The following ANO2 variants were observed in gnomAD, a reference collection of about 807,000 sequenced individuals.
ANO2 encodes the protein anoctamin-2.
A neutral mutation model predicts 124.2 loss-of-function variants in ANO2; 101 were observed. The ratio of observed to expected loss-of-function variants is 0.81; its 90% CI spans 0.69 to 0.96. The LOEUF is 0.96. Ranked by LOEUF, ANO2 falls within the 40% of genes least tolerant of loss-of-function variation. ANO2 has a pLI of 0.00. For synonymous variants in ANO2, 486 were observed against 482.5 expected, an observed-to-expected ratio of 1.01 and a Z score of -0.09; for missense variants, 1,293 against 1,274.5, an observed-to-expected ratio of 1.01 and a Z score of -0.22.
intron 3 of ANO2, chr12:5,856,324 T>C (rs1955095478): frequency 6.6e-6 from 1 of 152,178 alleles, no homozygotes; most frequent in South Asian, 2.1e-4. Flanking sequence ...TTGGCTCAAG[T>C]GTGTAACAGA....
chr12:5,782,312 T>C (rs151197396), intron 10 of ANO2, among the ~76,000 whole-genome samples: 5 of 152,338 alleles, frequency 3.3e-5, no homozygotes, highest in East Asian at 1.9e-4. Flanking sequence ...CTTTTTAACA[T>C]ATCTGTGCCT....
At position 5,880,900 on chromosome 12, in the gene ANO2, G is replaced by GGGATGGACGGATGGAT. The variant is rs1938452772; in HGVS notation, c.535-26760_535-26759insATCCATCCGTCCATCC. Among the ~76,000 whole-genome samples, 5 of 142,522 alleles carry GGGATGGACGGATGGAT rather than the reference G, an allele frequency of 3.5e-5. No homozygotes were observed. In the South Asian group the frequency reaches 9.4e-4, roughly 27 times the overall value. The allele number at this position is 142,522 out of a possible 152,430, so 93.5% of individuals were successfully genotyped here. A position where few individuals can be genotyped will look rare whatever the true frequency, so the allele number is the denominator to read the frequency against. The stretch of plus-strand genomic sequence containing the variant: ...GGTGGATGAGTGGATGGGTAGGTGG[G>GGGATGGACGGATGGAT]GGATGGATGGATGGATGGATGAGTG... On this transcript the variant is annotated intron_variant, in intron 3 of 24. Coordinates refer to ENST00000682330, the MANE Select transcript of ANO2 (RefSeq NM_001364791.2).
intron 14 of ANO2, among the ~76,000 whole-genome samples, chr12:5,711,556 T>C (rs188525395): frequency 6.6e-6 from 1 of 152,202 alleles, no homozygotes; most frequent in Non-Finnish European, 1.5e-5. Context: ...GCCCAGAGAA[T>C]AAAAATTGCA....
At chr12:5,717,741 T>C (rs938920828) in intron 14 of ANO2, among the ~76,000 whole-genome samples, 1 of 152,214 alleles carries the variant, frequency 6.6e-6, no homozygotes, top group Non-Finnish European at 1.5e-5. Flanking sequence ...ATACATCCAT[T>C]GATCTGATCT....
At chr12:5,631,185 C>T (rs924566729) in intron 16 of ANO2, among the ~76,000 whole-genome samples, 2 of 152,200 alleles carry the variant, frequency 1.3e-5, no homozygotes, top group Admixed American at 6.5e-5. Flanking sequence ...ATGTGTGATG[C>T]GGTAAGATCA....
At chr12:5,821,346 G>A (rs1158136695) in intron 7 of ANO2, among the ~76,000 whole-genome samples, 2 of 152,156 alleles carry the variant, frequency 1.3e-5, no homozygotes, top group Non-Finnish European at 2.9e-5. Flanking sequence ...ACACATAGTG[G>A]GCCTATTTGG....
At chr12:5,675,268 G>A (rs960949644) in intron 14 of ANO2, among the ~76,000 whole-genome samples, 1 of 152,188 alleles carries the variant, frequency 6.6e-6, no homozygotes, top group Non-Finnish European at 1.5e-5. Context: ...TCTTCCAAGA[G>A]TTTTCTGCCA....
At chr12:5,903,662 TGTGTGTGTGTGTGTGG>T (rs1277834947) in intron 3 of ANO2, among the ~76,000 whole-genome samples, 1 of 151,584 alleles carries the variant, frequency 6.6e-6, no homozygotes, top group African/African-American at 2.4e-5. Context: ...TGTGTGTGTG[TGTGTGTGTGTGTGTGG>T]GTGTAGACAG....
intron 1 of ANO2, among the ~76,000 whole-genome samples, chr12:5,937,690 C>G (rs1388753952): frequency 2.0e-5 from 3 of 151,862 alleles, no homozygotes; most frequent in African/African-American, 7.3e-5. Flanking sequence ...ATGAGCTGAT[C>G]ACTTTGAGCT....
intron 7 of ANO2, among the ~76,000 whole-genome samples, chr12:5,812,474 GAGGA>G (rs373413172): frequency 5.3e-5 from 5 of 94,982 alleles, no homozygotes; most frequent in African/African-American, 1.5e-4. Context: ...AAGGAAGGGG[GAGGA>G]AGGAAGGAAG....
intron 6 of ANO2, among the ~76,000 whole-genome samples, chr12:5,828,305 G>T (rs980153956): frequency 1.2e-4 from 19 of 152,154 alleles, no homozygotes; most frequent in African/African-American, 4.6e-4. Context: ...GGGAGAGCCA[G>T]TGTGGTAGCA....
intron 20 of ANO2, among the ~76,000 whole-genome samples, chr12:5,587,047 C>T (rs922684619): frequency 4.6e-5 from 7 of 152,172 alleles, no homozygotes; most frequent in East Asian, 3.8e-4. Flanking sequence ...TGAAAGGTAA[C>T]GTCTGCAGAG....
At chr12:5,671,682 C>A (rs542250790) in intron 14 of ANO2, among the ~76,000 whole-genome samples, 5 of 152,164 alleles carry the variant, frequency 3.3e-5, no homozygotes, top group Non-Finnish European at 7.3e-5. Context: ...GGGATGTATA[C>A]AATTTTCCCC....
intron 11 of ANO2, among the ~76,000 whole-genome samples, chr12:5,749,123 T>C (rs1951363769): frequency 6.6e-6 from 1 of 152,228 alleles, no homozygotes; most frequent in Non-Finnish European, 1.5e-5. Context: ...TATGCACCAG[T>C]AGGCAGGAAG....
intron 14 of ANO2, among the ~76,000 whole-genome samples, chr12:5,695,279 G>A (rs918697898): frequency 6.6e-6 from 1 of 151,302 alleles, no homozygotes; most frequent in Non-Finnish European, 1.5e-5. Flanking sequence ...AGATCAGGCA[G>A]GGTTATTTGA....
At chr12:5,595,596 C>A (rs1214888506) in intron 20 of ANO2, among the ~76,000 whole-genome samples, 2 of 152,102 alleles carry the variant, frequency 1.3e-5, no homozygotes, top group African/African-American at 4.8e-5. Flanking sequence ...ATGGTCCCTA[C>A]CTACTGCTCT....
intron 16 of ANO2, among the ~76,000 whole-genome samples, chr12:5,630,994 G>A (rs1012564325): frequency 2.0e-5 from 3 of 152,150 alleles, no homozygotes; most frequent in South Asian, 2.1e-4. Flanking sequence ...TGGTGTCCAC[G>A]GCAGCCCCCA....
At chr12:5,765,613 TATTTTTCCC>T (rs1389777118) in intron 10 of ANO2, among the ~76,000 whole-genome samples, 1 of 152,234 alleles carries the variant, frequency 6.6e-6, no homozygotes, top group Non-Finnish European at 1.5e-5. Flanking sequence ...CTCTCAGCTT[TATTTTTCCC>T]ATTTAAAACC....
At chr12:5,887,822 C>G (rs957716215) in intron 3 of ANO2, among the ~76,000 whole-genome samples, 21 of 151,850 alleles carry the variant, frequency 1.4e-4, no homozygotes, top group Middle Eastern at 3.4e-3. Context: ...ACTAACATGC[C>G]CCCCGGTTTT....
Sources: allele counts gnomAD v4.1 joint callset (sites outside exome capture counted in the v4.1 genomes callset), GRCh38; gene constraint gnomAD v4.1.1; transcripts MANE v1.5; gene names NCBI Gene and HGNC (gene_info 2026-07-23, HGNC 2026-07-21).